PDPR: variants seen among roughly 807,000 people sequenced by gnomAD.
PDPR encodes the protein pyruvate dehydrogenase phosphatase regulatory subunit, mitochondrial.
In PDPR, 50 loss-of-function variants were observed where a neutral mutation model predicts 102.2. The observed-to-expected ratio is 0.49, with a 90% CI of 0.39 to 0.62. PDPR has a LOEUF of 0.62. PDPR is among the 20% of genes least tolerant of loss of function. PDPR has a pLI of 0.00. For synonymous variants in PDPR, 259 were observed against 406.0 expected (o/e 0.64, Z 4.35); for missense variants, 625 against 1,098.2 (o/e 0.57, Z 6.09).
At chr16:70,125,575 G>GTATATA (rs60529473) in intron 3 of PDPR, among the ~76,000 whole-genome samples, 2 of 136,102 alleles carry the variant, frequency 1.5e-5, no homozygotes, top group Non-Finnish European at 3.1e-5. Context: ...AAAAAAAAAA[G>GTATATA]TATATATATA....
At chr16:70,120,076 C>G (rs1435498252) in intron 2 of PDPR, 1 of 175,998 alleles carries the variant, frequency 5.7e-6, no homozygotes. Context: ...GCCACCATGC[C>G]CAGCTAATTT....
intron 9 of PDPR, among the ~76,000 whole-genome samples, chr16:70,135,919 AT>A (rs1231512346): frequency 6.6e-6 from 1 of 152,224 alleles, no homozygotes; most frequent in Non-Finnish European, 1.5e-5. Flanking sequence ...AATACAAAAA[AT>A]TAGCTGGGCA....
At position 70,120,467 on chromosome 16, in the gene PDPR, T is replaced by C; in HGVS notation, c.-26T>C. The C allele has an allele frequency of 1.3e-6, 2 of 1,583,234 alleles. No individual in the cohort carries two copies. Among genetic ancestry groups the C allele is most frequent in the Non-Finnish European group, 1.7e-6 (2 of 1,153,210 alleles). On this transcript the variant is annotated 5_prime_UTR_variant, in exon 3 of 19. Coordinates refer to ENST00000288050, the MANE Select transcript of PDPR (RefSeq NM_017990.5). The stretch of plus-strand genomic sequence containing the variant: ...GTTTGGTTTCTCTGTCTAGTTTGAG[T>C]TCCTGAGATCTAGTTGGTGAGAGAC...
intron 11 of PDPR, among the ~76,000 whole-genome samples, chr16:70,141,937 T>A (rs887024265): frequency 2.0e-5 from 3 of 152,242 alleles, no homozygotes; most frequent in Admixed American, 2.0e-4. Flanking sequence ...CTGTCTCTAC[T>A]AAAAATACAA....
intron 18 of PDPR, 160 bp from the exon 19 acceptor site, chr16:70,156,315 C>T (rs1967181667): frequency 4.8e-6 from 4 of 839,028 alleles, no homozygotes; most frequent in African/African-American, 3.5e-5. Context: ...CAGTTTTTCA[C>T]ATGGTAGAAA....
intron 9 of PDPR, among the ~76,000 whole-genome samples, chr16:70,134,515 G>A (rs1276015984): frequency 4.1e-5 from 6 of 146,564 alleles, no homozygotes; most frequent in Non-Finnish European, 9.0e-5. Flanking sequence ...ATGAGCCACC[G>A]CACCTGGCCT....
chr16:70,118,866 A>T (rs1332148673), intron 2 of PDPR, among the ~76,000 whole-genome samples: 1 of 152,160 alleles, frequency 6.6e-6, no homozygotes, highest in Admixed American at 6.5e-5. Context: ...CTGCCTGGAC[A>T]CAGTCTGTGC....
At chr16:70,149,337 T>G (rs1377492839) in intron 17 of PDPR, among the ~76,000 whole-genome samples, 1 of 151,824 alleles carries the variant, frequency 6.6e-6, no homozygotes, top group Non-Finnish European at 1.5e-5. Flanking sequence ...ATAATCTCAG[T>G]TCACTGCAAC....
rs1427505845 is a variant in PDPR at position 70,157,288 on chromosome 16, T to G, written c.*409T>G. On this transcript the variant is annotated 3_prime_UTR_variant, in exon 19 of 19. Coordinates refer to ENST00000288050, the MANE Select transcript of PDPR (RefSeq NM_017990.5). ...CCCTCTCCCTTGGGTTCCATTTTCT[T>G]GGAGCAGCCTATTAGTTCTGGTGGG... is the stretch of plus-strand genomic sequence containing the variant. The G allele has an allele frequency of 6.7e-6, 3 of 449,414 alleles. No individual in the cohort carries two copies. Among genetic ancestry groups the G allele is most frequent in the Non-Finnish European group, 1.3e-5 (3 of 228,250 alleles). The allele number at this position is 449,414 out of a possible 1,614,324, so 27.8% of individuals were successfully genotyped here.
At position 70,156,721 on chromosome 16, in the gene PDPR, C is replaced by T. The variant is rs770917652; in HGVS notation, c.2482C>T (p.Gln828Ter). Residue 828 changes from glutamine to a stop codon, truncating the protein, a stop_gained, in exon 19 of 19, where the codon CAA becomes TAA. Coordinates refer to ENST00000288050, the MANE Select transcript of PDPR (RefSeq NM_017990.5). LOFTEE classifies it high-confidence loss of function. Reference sequence around the variant, plus strand: ...TTTTTCTGAGGACACGGGGGAAGAGCAAGTGGTGACAGCAGATTTCATCAA... The same window carrying T: ...TTTTTCTGAGGACACGGGGGAAGAGTAAGTGGTGACAGCAGATTTCATCAA... ...HNFSEDTGEE[Q>*]VVTADFINRG... 1.2e-6 allele frequency: 2 copies of T among 1,613,966 alleles called. No homozygotes were observed. Among genetic ancestry groups the T allele is most frequent in the Middle Eastern group, 1.7e-4 (1 of 6,060 alleles).
intron 3 of PDPR, among the ~76,000 whole-genome samples, chr16:70,124,940 C>T (rs1276894436): frequency 1.3e-5 from 2 of 152,262 alleles, no homozygotes; most frequent in African/African-American, 4.8e-5. Flanking sequence ...ACATATGGGT[C>T]CCTTGCAAAA....
At chr16:70,154,175 A>G (rs1376839060) in intron 18 of PDPR, among the ~76,000 whole-genome samples, 1 of 152,398 alleles carries the variant, frequency 6.6e-6, no homozygotes, top group South Asian at 2.1e-4. Flanking sequence ...AAAATTTACA[A>G]AAAGTAGCTG....
At position 70,114,456 on chromosome 16, in the gene PDPR, C is replaced by T. The variant is rs1208851948; in HGVS notation, c.-143+16C>T. The stretch of plus-strand genomic sequence containing the variant: ...GACCGGTGAGGTAAGGAGATAGCTT[C>T]GGGGCAACTCTGGCCTCCCCGTCCG... On this transcript the variant is annotated intron_variant, in intron 1 of 18. Coordinates refer to ENST00000288050, the MANE Select transcript of PDPR (RefSeq NM_017990.5). 4.6e-5 allele frequency: 7 copies of T among 152,294 alleles called. No individual in the cohort carries two copies. The highest frequency in any genetic ancestry group is 2.1e-4 in the South Asian group (1 of 4,822). The allele number at this position is 152,294 out of a possible 1,614,324, so 9.4% of individuals were successfully genotyped here. A position where few individuals can be genotyped will look rare whatever the true frequency, so the allele number is the denominator to read the frequency against.
intron 7 of PDPR, among the ~76,000 whole-genome samples, chr16:70,130,885 G>A (rs1413006479): frequency 6.6e-6 from 1 of 152,278 alleles, no homozygotes; most frequent in East Asian, 1.9e-4. Flanking sequence ...TCAGGAATGT[G>A]GACACTAATT....
chr16:70,133,111 C>T (rs1372699330), intron 9 of PDPR, among the ~76,000 whole-genome samples: 33 of 97,248 alleles, frequency 3.4e-4, no homozygotes, highest in African/African-American at 5.1e-4. Flanking sequence ...TACCCAGCTG[C>T]TTTTTTTTTT....
chr16:70,142,701 A>G lies in PDPR; in HGVS notation c.1605+15A>G. ...TTGAGATAACAGTAAGTATTTGGGA[A>G]CCAAAAAGTAATAGATTAGGAAACT... On this transcript the variant is annotated intron_variant, in intron 13 of 18. Coordinates refer to ENST00000288050, the MANE Select transcript of PDPR (RefSeq NM_017990.5). 1 of 1,613,964 alleles carries G rather than the reference A, an allele frequency of 6.2e-7. No individual in the cohort carries two copies. Among genetic ancestry groups the G allele is most frequent in the Non-Finnish European group, 8.5e-7 (1 of 1,179,872 alleles).
chr16:70,150,088 CGG>C (rs1966594676), intron 17 of PDPR, among the ~76,000 whole-genome samples: 1 of 148,296 alleles, frequency 6.7e-6, no homozygotes. Context: ...CGCACCCGGC[CGG>C]CTTTTTTTTT....
At chr16:70,140,613 G>A (rs145066035) in intron 11 of PDPR, among the ~76,000 whole-genome samples, 17,144 of 146,186 alleles carry the variant, frequency 0.12, 1 homozygote, top group Non-Finnish European at 0.14. Context: ...GAGGTCAGGA[G>A]GTCTGGCCTG....
Position 70,129,032 on chromosome 16 carries a change from G to C in PDPR, c.517G>C (p.Asp173His). The change falls in exon 6 of 19, where the codon GAC becomes CAC. Residue 173 changes from aspartate to histidine, a missense_variant. Asp to His is a moderately conservative substitution (Grantham distance 81, BLOSUM62 -1). This residue lies in a region of PDPR where 5 missense variants were observed against 92.5 expected (regional missense o/e 0.05). Coordinates refer to ENST00000288050, the MANE Select transcript of PDPR (RefSeq NM_017990.5). ...GCTTCACCATCTCCTCAACGTGCAC[G>C]ACCTGGTGGGGGCCATGCATGTTCC... ...AELHHLLNVH[D>H]LVGAMHVPED... The C allele has an allele frequency of 6.2e-7, 1 of 1,613,896 alleles. No homozygotes were observed. Among genetic ancestry groups the C allele is most frequent in the Non-Finnish European group, 8.5e-7 (1 of 1,179,746 alleles).
Sources: gnomAD v4.1 joint callset for allele counts (sites outside exome capture counted in the v4.1 genomes callset) on GRCh38, gnomAD v4.1.1 for gene constraint, gnomAD v4.1.1 regional missense constraint, MANE v1.5 for transcripts, NCBI Gene and HGNC (gene_info 2026-07-23, HGNC 2026-07-21) for gene names.